The following ALDH1L1 variants were observed in gnomAD, a reference collection of about 807,000 sequenced individuals.
ALDH1L1 encodes the protein aldehyde dehydrogenase 1 family member L1.
A neutral mutation model predicts 101.1 loss-of-function variants in ALDH1L1; 68 were observed. That is an observed-to-expected ratio of 0.67 (90% CI 0.55 to 0.82). The LOEUF (loss-of-function observed/expected upper bound fraction) is 0.82, where lower values mean the gene tolerates loss of function less well. ALDH1L1 is among the 40% of genes least tolerant of loss of function. The pLI is 0.00. For synonymous variants in ALDH1L1, 486 were observed against 470.8 expected (o/e 1.03, Z -0.42); for missense variants, 1,087 against 1,172.7 (o/e 0.93, Z 1.07).
At chr3:126,155,541 G>A in intron 4 of ALDH1L1, 38 bp from the exon 5 acceptor site, 2 of 1,573,896 alleles carry the variant, frequency 1.3e-6, no homozygotes, top group Non-Finnish European at 1.7e-6. Context: ...CCAGCAATAG[G>A]ACCCTGCCTC....
At chr3:126,107,457 G>A (rs534432029) in intron 20 of ALDH1L1, among the ~76,000 whole-genome samples, 10 of 152,328 alleles carry the variant, frequency 6.6e-5, no homozygotes, top group East Asian at 5.8e-4. Flanking sequence ...TGCTTTTAAC[G>A]GAGTGCTGTT....
chr3:126,150,410 A>C lies in ALDH1L1; in HGVS notation c.980T>G (p.Val327Gly). Residue 327 changes from valine (V) to glycine (G), a missense_variant, in exon 8 of 23, where the codon GTG becomes GGG. This residue lies in a region of ALDH1L1 where 645 missense variants were observed against 637.0 expected (regional missense o/e 1.01). Coordinates refer to ENST00000393434, the MANE Select transcript of ALDH1L1 (RefSeq NM_012190.4). The stretch of plus-strand genomic sequence containing the variant: ...AGCCCTGAAGTTGCCTCTTACCCGC[A>C]CAGCCTCCGCAGTAACCAGCTCTGC... ...TEAELVTAEAVRSVWQRILPK... is the reference protein window; with the variant it reads ...TEAELVTAEAGRSVWQRILPK... 6.4e-7 allele frequency: 1 copy of C among 1,551,156 alleles called. No homozygotes were observed. The highest frequency in any genetic ancestry group is 8.7e-7 in the Non-Finnish European group (1 of 1,146,782).
At position 126,107,259 on chromosome 3, in the gene ALDH1L1, T is replaced by G. The variant is rs777818586; in HGVS notation, c.2348-13A>C. ...TCAAAGAAGAACCCTGCAAGAGAGATAAAAGCCCGTTGCACATGGGAGACA... is the reference window on the plus strand; with the variant it reads ...TCAAAGAAGAACCCTGCAAGAGAGAGAAAAGCCCGTTGCACATGGGAGACA... On this transcript the variant is annotated splice_polypyrimidine_tract_variant and intron_variant, in intron 20 of 22. Transcript: ENST00000393434. 110 of 1,608,440 alleles carry G rather than the reference T, an allele frequency of 6.8e-5. 1 individual carries two copies. The Middle Eastern group carries it at 1.5e-3, about 22-fold the overall frequency.
At chr3:126,152,463 T>C (rs1475984409) in intron 7 of ALDH1L1, 1 of 152,212 alleles carries the variant, frequency 6.6e-6, no homozygotes, top group East Asian at 1.9e-4. Context: ...CCCAAAACAC[T>C]ACATTGCAGA....
chr3:126,175,577 AATAGGCTAAGGAAGAATT>A (rs60530286), intron 1 of ALDH1L1, among the ~76,000 whole-genome samples: 10,122 of 152,240 alleles, frequency 0.066, 490 homozygotes, highest in East Asian at 0.19. Context: ...CCATCGCATG[AATAGGCTAAGGAAGAATT>A]ATATGATCAC....
intron 20 of ALDH1L1, 130 bp from the exon 21 acceptor site, chr3:126,107,376 C>T (rs1945918036): frequency 4.3e-6 from 3 of 696,478 alleles, no homozygotes; most frequent in South Asian, 3.2e-5. Flanking sequence ...GTCACGGCAC[C>T]CGTGTGATGG....
At chr3:126,170,448 C>T (rs2081251633) in intron 1 of ALDH1L1, among the ~76,000 whole-genome samples, 1 of 130,620 alleles carries the variant, frequency 7.7e-6, no homozygotes, top group Non-Finnish European at 1.6e-5. Flanking sequence ...AAAAAAGTTA[C>T]TTCTGTCTCA....
At chr3:126,146,156 T>C (rs928997061) in intron 9 of ALDH1L1, among the ~76,000 whole-genome samples, 1 of 152,200 alleles carries the variant, frequency 6.6e-6, no homozygotes, top group African/African-American at 2.4e-5. Context: ...GCCTTGGCCA[T>C]GTGAAGGTGC....
intron 9 of ALDH1L1, 57 bp from the exon 10 acceptor site, chr3:126,138,017 G>C: frequency 6.2e-7 from 1 of 1,600,202 alleles, no homozygotes; most frequent in Non-Finnish European, 8.5e-7. Flanking sequence ...GGCCTGCATC[G>C]CTAGCAGCAG....
chr3:126,111,358 A>T (rs1946072005), intron 19 of ALDH1L1, among the ~76,000 whole-genome samples: 1 of 152,278 alleles, frequency 6.6e-6, no homozygotes, highest in African/African-American at 2.4e-5. Flanking sequence ...GTCCCAGCAC[A>T]CGCTGCAGAA....
In ALDH1L1 at chr3:126,110,307, A is replaced by C. The variant is rs1261800370; in HGVS notation, c.2182-198T>G. The C allele has an allele frequency of 4.5e-6, 3 of 661,964 alleles. No homozygotes were observed. In the African/African-American group the frequency reaches 5.5e-5, roughly 12 times the overall value. 41.0% of individuals were successfully genotyped at this position (661,964 alleles called of 1,614,324 possible). On this transcript the variant is annotated intron_variant, in intron 19 of 22. Transcript: ENST00000393434. ...TGGCTCCTATGTGTAGAGGGACAGAAGTCTCCAAGGAGACAGGAGCCCAGC... is the reference window on the plus strand; with the variant it reads ...TGGCTCCTATGTGTAGAGGGACAGACGTCTCCAAGGAGACAGGAGCCCAGC...
At chr3:126,129,591 A>G (rs1478852365) in intron 14 of ALDH1L1, 1 of 152,430 alleles carries the variant, frequency 6.6e-6, no homozygotes, top group East Asian at 1.9e-4. Context: ...TCACCGGCCT[A>G]GCACAGTGGC....
chr3:126,124,550 A>T, intron 15 of ALDH1L1, 99 bp from the exon 16 acceptor site: 1 of 947,226 alleles, frequency 1.1e-6, no homozygotes, highest in Non-Finnish European at 1.6e-6. Context: ...CCCAGCAGCA[A>T]GCTGGGAGAG....
chr3:126,156,903 A>G (rs2080920399), intron 4 of ALDH1L1, among the ~76,000 whole-genome samples: 1 of 152,226 alleles, frequency 6.6e-6, no homozygotes. Context: ...TCCTTGAGCT[A>G]TAGTGGCTAT....
chr3:126,130,063 C>T (rs1211730472), intron 14 of ALDH1L1, 160 bp downstream of exon 14: 4 of 592,454 alleles, frequency 6.8e-6, no homozygotes, highest in African/African-American at 1.9e-5. Context: ...CAAGTCCTTA[C>T]AACAATGCCT....
chr3:126,164,187 AAAG>A (rs1273486330), intron 1 of ALDH1L1, among the ~76,000 whole-genome samples: 1 of 152,078 alleles, frequency 6.6e-6, no homozygotes, highest in Non-Finnish European at 1.5e-5. Context: ...GTGAGGCAGA[AAAG>A]AAGAAAAGAA....
chr3:126,152,532 G>C (rs1362912825), intron 7 of ALDH1L1: 1 of 152,424 alleles, frequency 6.6e-6, no homozygotes, highest in South Asian at 2.1e-4. Flanking sequence ...CACCAAGAGC[G>C]AGCAAAGGCC....
At chr3:126,194,361 G>A (rs954750751) in intron 1 of ALDH1L1, among the ~76,000 whole-genome samples, 1 of 152,126 alleles carries the variant, frequency 6.6e-6, no homozygotes, top group African/African-American at 2.4e-5. Flanking sequence ...GGATGCTTCA[G>A]CGGCTCTCTG....
At chr3:126,178,603 T>C (rs2081410098) in intron 1 of ALDH1L1, among the ~76,000 whole-genome samples, 1 of 151,972 alleles carries the variant, frequency 6.6e-6, no homozygotes, top group African/African-American at 2.4e-5. Context: ...TCCAATTGGG[T>C]TAAAAATAAA....
Sources: allele counts gnomAD v4.1 joint callset (sites outside exome capture counted in the v4.1 genomes callset), GRCh38; gene constraint gnomAD v4.1.1; regional missense constraint gnomAD v4.1.1; transcripts MANE v1.5; gene names NCBI Gene and HGNC (gene_info 2026-07-23, HGNC 2026-07-21).